The following DEPDC5 variants were observed in gnomAD, a reference collection of about 807,000 sequenced individuals.
DEPDC5 encodes the protein GATOR1 complex protein DEPDC5.
DEPDC5 carries 73 observed loss-of-function variants against 217.3 expected under a neutral mutation model. The ratio of observed to expected loss-of-function variants is 0.34; its 90% CI spans 0.28 to 0.41. The LOEUF (loss-of-function observed/expected upper bound fraction) is 0.41. Ranked by LOEUF, DEPDC5 falls within the 10% of genes least tolerant of loss-of-function variation. The pLI, the probability that DEPDC5 is intolerant of heterozygous loss-of-function variation, is 1.00. For synonymous variants in DEPDC5, 733 were observed against 756.7 expected (o/e 0.97, Z 0.51); for missense variants, 1,675 against 2,070.1 (o/e 0.81, Z 3.70).
At chr22:31,841,407 C>G (rs1028487999) in intron 27 of DEPDC5, among the ~76,000 whole-genome samples, 1 of 152,148 alleles carries the variant, frequency 6.6e-6, no homozygotes, top group African/African-American at 2.4e-5. Flanking sequence ...CTTGGCACCT[C>G]AAAGAGTTGG....
chr22:31,797,989 A>G (rs930494387), intron 13 of DEPDC5, among the ~76,000 whole-genome samples: 1 of 151,304 alleles, frequency 6.6e-6, no homozygotes, highest in Non-Finnish European at 1.5e-5. Flanking sequence ...GAGTGGAGCA[A>G]TTATACTGTA....
rs35222514 is a variant in DEPDC5, at chr22:31,756,038, A to ATT, written c.58+1077_58+1078dup. On this transcript the variant is annotated intron_variant, in intron 2 of 42. Coordinates refer to ENST00000651528, the MANE Select transcript of DEPDC5 (RefSeq NM_001242896.3). ...CAGGTGCATGCCGCCACACCTGGCT[A>ATT]TTTTTTTTTTTTTTTTTTTGTATTT... Among the ~76,000 whole-genome samples the ATT allele has an allele frequency of 1.4e-3, 168 of 116,830 alleles. 2 individuals are homozygous for ATT. Among genetic ancestry groups the ATT allele is most frequent in the East Asian group, 9.4e-3 (39 of 4,138 alleles). 76.6% of individuals were successfully genotyped at this position (116,830 alleles called of 152,430 possible). A position where few individuals can be genotyped will look rare whatever the true frequency, so the allele number is the denominator to read the frequency against.
At chr22:31,820,036 TG>T (rs573576399) in intron 22 of DEPDC5, among the ~76,000 whole-genome samples, 300 of 152,310 alleles carry the variant, frequency 2.0e-3, no homozygotes, top group African/African-American at 7.1e-3. Context: ...TGTCTCAAGC[TG>T]TGGCTAAAAT....
intron 25 of DEPDC5, among the ~76,000 whole-genome samples, chr22:31,836,638 C>A (rs1188077355): frequency 6.6e-6 from 1 of 152,096 alleles, no homozygotes; most frequent in African/African-American, 2.4e-5. Flanking sequence ...GCTCTTGGAA[C>A]GTTGATGTGC....
intron 4 of DEPDC5, 114 bp from the exon 5 acceptor site, chr22:31,764,860 GC>G: frequency 1.4e-6 from 1 of 714,404 alleles, no homozygotes. Flanking sequence ...ACTGTGTGTT[GC>G]CCGTGTCAGA....
chr22:31,837,187 G>T, intron 26 of DEPDC5, 32 bp downstream of exon 26: 4 of 1,611,726 alleles, frequency 2.5e-6, no homozygotes, highest in Non-Finnish European at 3.4e-6. Context: ...ACTTGGCTTG[G>T]TTGGTGAGGG....
chr22:31,895,981 G>A (rs1440667125), intron 39 of DEPDC5, among the ~76,000 whole-genome samples: 1 of 151,344 alleles, frequency 6.6e-6, no homozygotes, highest in African/African-American at 2.4e-5. Flanking sequence ...GACCCAGTAG[G>A]CATAAGCACT....
intron 38 of DEPDC5, among the ~76,000 whole-genome samples, chr22:31,881,373 G>A (rs1374649616): frequency 2.6e-5 from 4 of 151,884 alleles, no homozygotes; most frequent in African/African-American, 7.3e-5. Context: ...CTGTTGCTGT[G>A]TGTGAGAAGT....
intron 24 of DEPDC5, among the ~76,000 whole-genome samples, chr22:31,831,942 T>C (rs1159870611): frequency 6.6e-6 from 1 of 152,214 alleles, no homozygotes; most frequent in African/African-American, 2.4e-5. Flanking sequence ...TCCGTCCATG[T>C]GTTCTCTGGC....
intron 2 of DEPDC5, chr22:31,755,652 C>T (rs2075261788): frequency 6.6e-6 from 1 of 151,934 alleles, no homozygotes; most frequent in South Asian, 2.1e-4. Flanking sequence ...GATCCTTCCA[C>T]CTCAACCTCA....
Position 31,797,619 on chromosome 22 carries a change from A to G in DEPDC5, c.787A>G (p.Arg263Gly). 5 of 1,613,774 alleles carry G rather than the reference A, an allele frequency of 3.1e-6. No homozygotes were observed. The highest frequency in any genetic ancestry group is 4.2e-6 in the Non-Finnish European group (5 of 1,179,676). Reference sequence around the variant, plus strand: ...TTTCAGAGTGGTGGTGCAGAATGAGAGAAGAGAAGAATGGACTTCACTTCT... The same window carrying G: ...TTTCAGAGTGGTGGTGCAGAATGAGGGAAGAGAAGAATGGACTTCACTTCT... Reference protein sequence around the residue: ...DFYKVVVQNERREEWTSLLVT... With the variant: ...DFYKVVVQNEGREEWTSLLVT... Residue 263 changes from arginine (R) to glycine (G), a missense_variant, in exon 13 of 43, where the codon AGA (arginine) becomes GGA (glycine). Arg to Gly is a moderately radical substitution (Grantham distance 125, BLOSUM62 -2). Transcript: ENST00000651528.
chr22:31,876,128 G>T, intron 36 of DEPDC5, 29 bp from the exon 37 acceptor site: 2 of 1,605,794 alleles, frequency 1.2e-6, no homozygotes, highest in African/African-American at 1.3e-5. Flanking sequence ...CTCTCTGCAG[G>T]AATTTCAGAG....
In DEPDC5 at chr22:31,787,273, T is replaced by A. The variant is rs551630874; in HGVS notation, c.624+2398T>A. ...AATTTTTTGTGTTTTTTTATAGAGA[T>A]GGGGTTTTGCCATGTTGCCCAGGCT... On this transcript the variant is annotated intron_variant, in intron 10 of 42. Coordinates refer to ENST00000651528, the MANE Select transcript of DEPDC5 (RefSeq NM_001242896.3). 2.0e-5 allele frequency among the ~76,000 whole-genome samples: 3 copies of A among 151,348 alleles called. No individual in the cohort carries two copies. The East Asian group carries it at 5.9e-4, about 30-fold the overall frequency.
chr22:31,879,947 A>G, intron 38 of DEPDC5, 195 bp downstream of exon 38: 1 of 595,408 alleles, frequency 1.7e-6, no homozygotes, highest in Admixed American at 2.9e-5. Context: ...GACTGTCCCA[A>G]CCAACAGACG....
chr22:31,825,638 C>T lies in DEPDC5; in HGVS notation c.2104+2848C>T, dbSNP rs1011617341. Among the ~76,000 whole-genome samples the T allele has an allele frequency of 7.9e-5, 12 of 152,322 alleles. 1 individual carries two copies. The South Asian group carries it at 1.9e-3, about 24-fold the overall frequency. On this transcript the variant is annotated intron_variant, in intron 24 of 42. Transcript: ENST00000651528. ...CCGTTCTCACTGCATTGTTCAGACT[C>T]CTGTCATTTGTGGCCAGGATTATTG...
rs1200704526 is a variant in DEPDC5 at position 31,792,906 on chromosome 22, G to A, written c.767+89G>A. On this transcript the variant is annotated intron_variant, in intron 12 of 42. Coordinates refer to ENST00000651528, the MANE Select transcript of DEPDC5 (RefSeq NM_001242896.3). ...AATAAGTCAGCCTGGGCAACATGGC[G>A]AAACCCTGTCTCTACCAAAAATACA... 8.6e-6 allele frequency: 10 copies of A among 1,166,216 alleles called. No individual in the cohort carries two copies. In the East Asian group the frequency reaches 1.3e-4, roughly 15 times the overall value. The allele number at this position is 1,166,216 out of a possible 1,614,324, so 72.2% of individuals were successfully genotyped here. A position where few individuals can be genotyped will look rare whatever the true frequency, so the allele number is the denominator to read the frequency against.
intron 8 of DEPDC5, 56 bp from the exon 9 acceptor site, chr22:31,783,851 T>C (rs1447271578): frequency 2.0e-5 from 30 of 1,493,652 alleles, no homozygotes; most frequent in Non-Finnish European, 2.7e-5. Flanking sequence ...TTTCATCTTA[T>C]AGAACTGAAA....
chr22:31,831,528 G>C (rs1053236237), intron 24 of DEPDC5, among the ~76,000 whole-genome samples: 5 of 152,104 alleles, frequency 3.3e-5, no homozygotes, highest in African/African-American at 1.2e-4. Flanking sequence ...TGTGATCTCA[G>C]CTCACTGCAA....
At chr22:31,837,425 A>G (rs1338336954) in intron 26 of DEPDC5, 2 of 459,020 alleles carry the variant, frequency 4.4e-6, no homozygotes, top group Non-Finnish European at 7.6e-6. Flanking sequence ...ATCACAACTC[A>G]CTGCAGCCTC....
Sources: allele counts gnomAD v4.1 joint callset (sites outside exome capture counted in the v4.1 genomes callset), GRCh38; gene constraint gnomAD v4.1.1; transcripts MANE v1.5; gene names NCBI Gene and HGNC (gene_info 2026-07-23, HGNC 2026-07-21).